The following SFMBT2 variants were observed in gnomAD, a reference collection of about 807,000 sequenced individuals.
SFMBT2 encodes scm-like with four MBT domains protein 2.
In SFMBT2, 38 loss-of-function variants were observed where a neutral mutation model predicts 110.1. That is an observed-to-expected ratio of 0.35 (90% CI 0.27 to 0.45). The LOEUF (loss-of-function observed/expected upper bound fraction) is 0.45, where lower values mean the gene tolerates loss of function less well. SFMBT2 is among the 20% of genes least tolerant of loss of function. The probability of loss-of-function intolerance (pLI) is 1.00; values close to 1 mark genes in which losing one functional copy is unlikely to be tolerated. For synonymous variants in SFMBT2, 425 were observed against 425.4 expected, an observed-to-expected ratio of 1.00 and a Z score of 0.01; for missense variants, 1,011 against 1,094.9, an observed-to-expected ratio of 0.92 and a Z score of 1.08.
intron 2 of SFMBT2, among the ~76,000 whole-genome samples, chr10:7,379,422 G>T (rs1015316403): frequency 8.9e-6 from 1 of 111,964 alleles, no homozygotes; most frequent in Admixed American, 9.3e-5. Flanking sequence ...CTCAAAACTA[G>T]ATTTTAGTAA....
chr10:7,324,741 A>G (rs1843322319), intron 4 of SFMBT2, among the ~76,000 whole-genome samples: 1 of 152,190 alleles, frequency 6.6e-6, no homozygotes, highest in African/African-American at 2.4e-5. Context: ...AGGGGGCAGC[A>G]TGGTCAGTTT....
intron 9 of SFMBT2, among the ~76,000 whole-genome samples, chr10:7,236,570 G>C (rs542657674): frequency 6.6e-6 from 1 of 152,260 alleles, no homozygotes; most frequent in African/African-American, 2.4e-5. Context: ...GCAGAGACAA[G>C]TGGGGAAATG....
chr10:7,363,252 C>A (rs1844781716), intron 4 of SFMBT2, among the ~76,000 whole-genome samples: 1 of 152,194 alleles, frequency 6.6e-6, no homozygotes. Flanking sequence ...TCTTGCCTGC[C>A]ACCATGTAAG....
intron 12 of SFMBT2, chr10:7,204,202 G>T: frequency 2.8e-6 from 1 of 354,228 alleles, no homozygotes; most frequent in Non-Finnish European, 4.0e-6. Flanking sequence ...TCTCTAATCT[G>T]AACTACCTGC....
At chr10:7,320,533 A>T in intron 4 of SFMBT2, 1 of 911,100 alleles carries the variant, frequency 1.1e-6, no homozygotes, top group Non-Finnish European at 1.3e-6. Flanking sequence ...TTATGAAAGG[A>T]ACCATTTCAC....
intron 2 of SFMBT2, among the ~76,000 whole-genome samples, chr10:7,377,345 G>A (rs1319192421): frequency 6.6e-6 from 1 of 152,126 alleles, no homozygotes; most frequent in Non-Finnish European, 1.5e-5. Context: ...CTGGTTTTGT[G>A]GAAGACAATT....
chr10:7,255,927 C>A (rs1840990924), intron 7 of SFMBT2, among the ~76,000 whole-genome samples: 2 of 152,324 alleles, frequency 1.3e-5, no homozygotes, highest in Admixed American at 6.5e-5. Flanking sequence ...GCTCAACAGA[C>A]AAATGTACTG....
intron 4 of SFMBT2, among the ~76,000 whole-genome samples, chr10:7,294,194 A>C (rs1842339192): frequency 6.6e-6 from 1 of 152,202 alleles, no homozygotes; most frequent in Non-Finnish European, 1.5e-5. Context: ...TATGCTTACA[A>C]GAAAGGAAAC....
In SFMBT2 at chr10:7,260,618, G is replaced by A. The variant is rs1263778911; in HGVS notation, c.871-11969C>T. 2.0e-5 allele frequency among the ~76,000 whole-genome samples: 3 copies of A among 152,052 alleles called. No individual in the cohort carries two copies. In the East Asian group the frequency reaches 5.8e-4, roughly 29 times the overall value. On this transcript the variant is annotated intron_variant, in intron 7 of 20. Coordinates refer to ENST00000397167, the MANE Select transcript of SFMBT2 (RefSeq NM_001387889.1). ...AAATTGGTCACAAATCTCTCCCTAA[G>A]CCAATCACTGACAAGAAAAATGGGG... is the stretch of plus-strand genomic sequence containing the variant.
chr10:7,264,938 A>G (rs966030418), intron 7 of SFMBT2, among the ~76,000 whole-genome samples: 8 of 87,056 alleles, frequency 9.2e-5, no homozygotes, highest in Admixed American at 2.2e-4. Context: ...AAAAAAGAGG[A>G]AAAAAAAAAA....
intron 12 of SFMBT2, chr10:7,204,911 T>G: frequency 1.0e-6 from 1 of 984,746 alleles, no homozygotes; most frequent in Non-Finnish European, 1.2e-6. Flanking sequence ...TGTATTTAAA[T>G]GTGCATGTGC....
intron 1 of SFMBT2, among the ~76,000 whole-genome samples, chr10:7,383,175 T>TA (rs1185752109): frequency 1.3e-5 from 2 of 152,238 alleles, no homozygotes; most frequent in Middle Eastern, 6.3e-3. Flanking sequence ...AAATATCTTT[T>TA]AAAAAACATT....
intron 4 of SFMBT2, among the ~76,000 whole-genome samples, chr10:7,342,918 GAGA>G (rs1039771659): frequency 2.6e-5 from 4 of 151,346 alleles, no homozygotes; most frequent in African/African-American, 9.6e-5. Context: ...TTTTTGTGGG[GAGA>G]AGGAGGAGAT....
intron 4 of SFMBT2, among the ~76,000 whole-genome samples, chr10:7,362,232 G>A (rs1004376114): frequency 2.6e-5 from 4 of 152,098 alleles, no homozygotes; most frequent in African/African-American, 7.2e-5. Context: ...CTGAACGGCC[G>A]ATTGGTCACA....
intron 20 of SFMBT2, among the ~76,000 whole-genome samples, chr10:7,164,897 A>G (rs1837657691): frequency 6.6e-6 from 1 of 152,110 alleles, no homozygotes; most frequent in Non-Finnish European, 1.5e-5. Context: ...CAGGGCATGA[A>G]GACATTCATT....
At chr10:7,228,730 TCTTTCCTTTCTCTCTCTCTCTCTCTC>T (rs1333568666) in intron 9 of SFMBT2, among the ~76,000 whole-genome samples, 1,668 of 85,490 alleles carry the variant, frequency 0.02, 34 homozygotes, top group Non-Finnish European at 0.025. Flanking sequence ...TTTCTTTCTT[TCTTTCCTTTCTCTCTCTCTCTCTCTC>T]TCTCTCTCTC....
At chr10:7,213,003 T>C (rs1439497429) in intron 11 of SFMBT2, among the ~76,000 whole-genome samples, 2 of 151,976 alleles carry the variant, frequency 1.3e-5, no homozygotes, top group Non-Finnish European at 2.9e-5. Flanking sequence ...CACTGTACGT[T>C]CTCACTCATA....
In SFMBT2 at chr10:7,268,315, T is replaced by A. The variant is rs574371499; in HGVS notation, c.870+8577A>T. Among the ~76,000 whole-genome samples, 5 of 152,302 alleles carry A rather than the reference T, an allele frequency of 3.3e-5. No individual in the cohort carries two copies. The South Asian group carries it at 1.0e-3, about 32-fold the overall frequency. ...AGACTGAGTCTGTCCTGTAATAAAC[T>A]TCATTGTTTGATGACAGAAACAAAC... is the stretch of plus-strand genomic sequence containing the variant. On this transcript the variant is annotated intron_variant, in intron 7 of 20. Coordinates refer to ENST00000397167, the MANE Select transcript of SFMBT2 (RefSeq NM_001387889.1).
At chr10:7,313,174 CATA>C (rs963133823) in intron 4 of SFMBT2, among the ~76,000 whole-genome samples, 9 of 149,170 alleles carry the variant, frequency 6.0e-5, no homozygotes, top group Admixed American at 1.3e-4. Context: ...AATTGTTATA[CATA>C]ATAATATATA....
Sources: allele counts gnomAD v4.1 joint callset (sites outside exome capture counted in the v4.1 genomes callset), GRCh38; gene constraint gnomAD v4.1.1; transcripts MANE v1.5; gene names NCBI Gene and HGNC (gene_info 2026-07-23, HGNC 2026-07-21).